Variants in ZNF205 observed in about 807,000 individuals in gnomAD.
The protein encoded by ZNF205 is zinc finger protein 205.
Under a neutral mutation model 53.6 loss-of-function variants are expected in ZNF205, and 32 were observed. The observed-to-expected ratio is 0.60, with a 90% CI of 0.45 to 0.80. The LOEUF is 0.80. ZNF205 is among the 30% of genes least tolerant of loss of function. The pLI is 0.00. For missense variants in ZNF205, 836 were observed against 782.4 expected, an observed-to-expected ratio of 1.07 and a Z score of -0.82; for synonymous variants, 382 against 334.3, an observed-to-expected ratio of 1.14 and a Z score of -1.56.
Position 3,120,100 on chromosome 16 carries a change from C to A in ZNF205, c.1440C>A (p.Asp480Glu). The A allele has an allele frequency of 6.2e-7, 1 of 1,613,710 alleles. No homozygotes were observed. Among genetic ancestry groups the A allele is most frequent in the Admixed American group, 1.7e-5 (1 of 60,016 alleles). Residue 480 changes from aspartate to glutamate, a missense_variant, in exon 7 of 7, where the codon GAC becomes GAA. Physicochemically the swap from Asp to Glu is conservative, Grantham distance 45. Transcript: ENST00000219091. ...HTGEKPYHCL[D>E]CGKSFSHSSH... ...GCGAGAAGCCCTACCACTGCCTCGACTGCGGCAAGAGCTTCAGCCACAGCT... is the reference window on the plus strand; with the variant it reads ...GCGAGAAGCCCTACCACTGCCTCGAATGCGGCAAGAGCTTCAGCCACAGCT...
At chr16:3,116,017 C>T in intron 4 of ZNF205, 97 bp downstream of exon 4, 1 of 1,316,794 alleles carries the variant, frequency 7.6e-7, no homozygotes, top group South Asian at 1.3e-5. Context: ...CCACTTGCAG[C>T]CAAGCCTGAA....
At position 3,119,402 on chromosome 16, in the gene ZNF205, G is replaced by T. The variant is rs1436776698; in HGVS notation, c.742G>T (p.Ala248Ser). 2.5e-6 allele frequency: 4 copies of T among 1,609,156 alleles called. No individual in the cohort carries two copies. Among genetic ancestry groups the T allele is most frequent in the Non-Finnish European group, 3.4e-6 (4 of 1,178,534 alleles). ...AGCCTGCGGCCGGAGCTCAGGGCCG[G>T]CCAAAGACTCCGGGCAGCCGGCTGA... ...EAACGRSSGP[A>S]KDSGQPAEPD... Residue 248 changes from alanine (A) to serine (S), a missense_variant, in exon 7 of 7, where the codon GCC (alanine) becomes TCC (serine). Ala to Ser is a moderately conservative substitution (Grantham distance 99, BLOSUM62 1). Coordinates refer to ENST00000219091, the MANE Select transcript of ZNF205 (RefSeq NM_001042428.2).
rs146334748 is a variant in ZNF205, at chr16:3,119,586, G to A, written c.926G>A (p.Arg309Gln). Residue 309 changes from arginine to glutamine, a missense_variant, in exon 7 of 7, where the codon CGG becomes CAG. Transcript: ENST00000219091. ...PDSEVGRKSY[R>Q]CEQCGKGFSW... ...AGTGAGGTGGGCAGGAAGAGCTACC[G>A]GTGCGAGCAGTGCGGCAAGGGCTTC... 20 of 1,608,934 alleles carry A rather than the reference G, an allele frequency of 1.2e-5. No individual in the cohort carries two copies. The highest frequency in any genetic ancestry group is 8.9e-5 in the East Asian group (4 of 44,846).
intron 2 of ZNF205, 65 bp downstream of exon 2, chr16:3,113,552 G>C: frequency 6.3e-7 from 1 of 1,577,758 alleles, no homozygotes; most frequent in African/African-American, 1.4e-5. Flanking sequence ...AGATTTTCAA[G>C]GCACAGAGTC....
At position 3,120,046 on chromosome 16, in the gene ZNF205, C is replaced by T. The variant is rs749822480; in HGVS notation, c.1386C>T (p.Asn462=). The T allele has an allele frequency of 1.1e-5, 18 of 1,613,800 alleles. No homozygotes were observed. In the African/African-American group the frequency reaches 2.3e-4, roughly 20 times the overall value. ...GCAAGTGCTTCAGCCAGCGTTCCAA[C>T]CTCATCGCGCACAACCGCACACACA... ...ECGKCFSQRS[N]LIAHNRTHTG... The change falls in exon 7 of 7, where the codon AAC becomes AAT. Residue 462 remains asparagine (N), a synonymous_variant. Transcript: ENST00000219091.
In ZNF205 at chr16:3,117,852, C is replaced by CTTT. The variant is rs35351001; in HGVS notation, c.485-1041_485-1039dup. 5.1e-3 allele frequency among the ~76,000 whole-genome samples: 673 copies of CTTT among 132,974 alleles called. 7 individuals are homozygous for CTTT. Among genetic ancestry groups the CTTT allele is most frequent in the African/African-American group, 0.011 (378 of 35,756 alleles). 87.2% of individuals were successfully genotyped at this position (132,974 alleles called of 152,430 possible). Reference sequence around the variant, plus strand: ...ATTCATTCATTCAGTTGACGCTTAGCTTTTTTTTTTTTTTGAGACGGAGTC... The same window carrying CTTT: ...ATTCATTCATTCAGTTGACGCTTAGCTTTTTTTTTTTTTTTTTGAGACGGAGTC... On this transcript the variant is annotated intron_variant, in intron 5 of 6. Transcript: ENST00000219091.
At chr16:3,119,223 C>G (rs774740216) in intron 6 of ZNF205, 33 bp from the exon 7 acceptor site, 5 of 1,547,060 alleles carry the variant, frequency 3.2e-6, no homozygotes, top group Admixed American at 1.9e-5. Context: ...TAGGGAAGCT[C>G]GTCCCTAGCT....
chr16:3,117,717 T>C (rs1957363374), intron 5 of ZNF205, among the ~76,000 whole-genome samples: 1 of 152,084 alleles, frequency 6.6e-6, no homozygotes, highest in South Asian at 2.1e-4. Flanking sequence ...CCTCCCAAAG[T>C]GTTGGGATTA....
At chr16:3,115,618 G>T (rs777793035) in intron 3 of ZNF205, 50 bp downstream of exon 3, 3 of 1,528,644 alleles carry the variant, frequency 2.0e-6, no homozygotes, top group Non-Finnish European at 2.6e-6. Flanking sequence ...CAGCTGTGGG[G>T]AGGTGGAGGT....
chr16:3,116,082 A>C (rs1957342042), intron 4 of ZNF205, 162 bp downstream of exon 4: 1 of 833,020 alleles, frequency 1.2e-6, no homozygotes, highest in Non-Finnish European at 1.9e-6. Context: ...GCCCATGGTC[A>C]GGCCTGGGCC....
chr16:3,114,604 G>T (rs1957314195), intron 2 of ZNF205, among the ~76,000 whole-genome samples: 1 of 152,192 alleles, frequency 6.6e-6, no homozygotes, highest in Non-Finnish European at 1.5e-5. Context: ...TGTGGTCACG[G>T]GGCATTGTCT....
intron 2 of ZNF205, among the ~76,000 whole-genome samples, chr16:3,113,860 G>T (rs374195193): frequency 6.6e-6 from 1 of 152,014 alleles, no homozygotes; most frequent in East Asian, 1.9e-4. Context: ...TCTCCTTCCT[G>T]TACCTGCTAC....
In ZNF205 at chr16:3,119,336, G is replaced by A. The variant is rs1957388130; in HGVS notation, c.676G>A (p.Gly226Arg). 1.2e-6 allele frequency: 2 copies of A among 1,612,838 alleles called. No individual in the cohort carries two copies. Among genetic ancestry groups the A allele is most frequent in the African/African-American group, 1.3e-5 (1 of 74,928 alleles). Residue 226 changes from glycine (G) to arginine (R), a missense_variant, in exon 7 of 7, where the codon GGG (glycine) becomes AGG (arginine). Coordinates refer to ENST00000219091, the MANE Select transcript of ZNF205 (RefSeq NM_001042428.2). Reference protein sequence around the residue: ...GNVKPFRTRAGRVQWGVPQCA... With the variant: ...GNVKPFRTRARRVQWGVPQCA... ...TGTGAAGCCCTTCAGAACCAGGGCA[G>A]GGAGAGTCCAGTGGGGCGTCCCGCA...
At position 3,119,723 on chromosome 16, in the gene ZNF205, C is replaced by A; in HGVS notation, c.1063C>A (p.Gln355Lys). Residue 355 changes from glutamine to lysine, a missense_variant, in exon 7 of 7, where the codon CAG (glutamine) becomes AAG (lysine). By Grantham distance (53) the Gln-to-Lys change is moderately conservative. Coordinates refer to ENST00000219091, the MANE Select transcript of ZNF205 (RefSeq NM_001042428.2). ...CCGCAGCTCGCACCTCATCCAGCAC[C>A]AGATCATCCACACGGGCGAGAAGCC... is the stretch of plus-strand genomic sequence containing the variant. ...FGRSSHLIQHQIIHTGEKPYT... is the reference protein window; with the variant it reads ...FGRSSHLIQHKIIHTGEKPYT... The A allele has an allele frequency of 6.2e-7, 1 of 1,613,672 alleles. No individual in the cohort carries two copies. The highest frequency in any genetic ancestry group is 8.5e-7 in the Non-Finnish European group (1 of 1,179,874).
Position 3,119,696 on chromosome 16 carries a change from G to C in ZNF205, c.1036G>C (p.Gly346Arg). 1 of 1,606,198 alleles carries C rather than the reference G, an allele frequency of 6.2e-7. No individual in the cohort carries two copies. The highest frequency in any genetic ancestry group is 2.3e-5 in the East Asian group (1 of 44,232). Residue 346 changes from glycine to arginine, a missense_variant, in exon 7 of 7, where the codon GGC becomes CGC. Transcript: ENST00000219091. ...YACTDCGKRF[G>R]RSSHLIQHQI... ...CTGCACTGACTGCGGGAAGCGCTTC[G>C]GCCGCAGCTCGCACCTCATCCAGCA...
At chr16:3,115,696 C>A (rs1436833869) in intron 3 of ZNF205, 128 bp downstream of exon 3, 10 of 1,382,718 alleles carry the variant, frequency 7.2e-6, no homozygotes, top group Non-Finnish European at 8.8e-6. Context: ...CCATGGCCCA[C>A]AGCCCCCTGG....
In ZNF205 at chr16:3,119,979, G is replaced by C; in HGVS notation, c.1319G>C (p.Arg440Pro). The C allele has an allele frequency of 6.2e-7, 1 of 1,613,558 alleles. No homozygotes were observed. Among genetic ancestry groups the C allele is most frequent in the Non-Finnish European group, 8.5e-7 (1 of 1,179,908 alleles). Residue 440 changes from arginine to proline, a missense_variant, in exon 7 of 7, where the codon CGC (arginine) becomes CCC (proline). Transcript: ENST00000219091. ...TQSSALVTHQ[R>P]THTGVKPYPC... Reference sequence around the variant, plus strand: ...AGCTCGGCGCTAGTCACCCACCAGCGCACCCACACTGGGGTCAAGCCCTAT... The same window carrying C: ...AGCTCGGCGCTAGTCACCCACCAGCCCACCCACACTGGGGTCAAGCCCTAT...
Position 3,118,885 on chromosome 16 carries a change from C to T in ZNF205, c.485-20C>T. 1 of 1,611,796 alleles carries T rather than the reference C, an allele frequency of 6.2e-7. No individual in the cohort carries two copies. The highest frequency in any genetic ancestry group is 8.5e-7 in the Non-Finnish European group (1 of 1,179,040). ...CAGCGCCAGAAGGCCTGTGACAGCACAGCATCTCTTTCTGGGCAGGCTTTC... is the reference window on the plus strand; with the variant it reads ...CAGCGCCAGAAGGCCTGTGACAGCATAGCATCTCTTTCTGGGCAGGCTTTC... On this transcript the variant is annotated intron_variant, in intron 5 of 6. Coordinates refer to ENST00000219091, the MANE Select transcript of ZNF205 (RefSeq NM_001042428.2).
At position 3,119,465 on chromosome 16, in the gene ZNF205, A is replaced by G; in HGVS notation, c.805A>G (p.Ser269Gly). 1 of 1,590,160 alleles carries G rather than the reference A, an allele frequency of 6.3e-7. No homozygotes were observed. Among genetic ancestry groups the G allele is most frequent in the Non-Finnish European group, 8.6e-7 (1 of 1,169,478 alleles). Residue 269 changes from serine (S) to glycine (G), a missense_variant, in exon 7 of 7, where the codon AGT (serine) becomes GGT (glycine). Ser to Gly is a moderately conservative substitution (Grantham distance 56, BLOSUM62 0). Transcript: ENST00000219091. ...CCCGGATGCAGCTCCGCCAGACCCC[A>G]GTCCCACGGAGCCCCAGGAGTACCG... ...RTPDAAPPDP[S>G]PTEPQEYRVP...
Sources: allele counts gnomAD v4.1 joint callset (sites outside exome capture counted in the v4.1 genomes callset), GRCh38; gene constraint gnomAD v4.1.1; transcripts MANE v1.5; gene names NCBI Gene and HGNC (gene_info 2026-07-23, HGNC 2026-07-21).